ITGA1: variants seen among roughly 807,000 people sequenced by gnomAD.
ITGA1 encodes integrin subunit alpha 1, also known as integrin alpha-1.
ITGA1 carries 85 observed loss-of-function variants against 145.9 expected under a neutral mutation model. The observed-to-expected ratio is 0.58, with a 90% CI of 0.49 to 0.70. ITGA1 has a LOEUF of 0.70. ITGA1 is among the 30% of genes least tolerant of loss of function. The pLI, the probability that ITGA1 is intolerant of heterozygous loss-of-function variation, is 0.00. For missense variants in ITGA1, 1,351 were observed against 1,418.7 expected (o/e 0.95, Z 0.77); for synonymous variants, 520 against 495.3 (o/e 1.05, Z -0.66).
intron 25 of ITGA1, 30 bp from the exon 26 acceptor site, chr5:52,939,810 A>G: frequency 6.8e-7 from 1 of 1,474,326 alleles, no homozygotes; most frequent in South Asian, 1.1e-5. Flanking sequence ...CGGCAAGAAT[A>G]CTGATATGTA....
chr5:52,941,798 A>G (rs1030226946), intron 26 of ITGA1, among the ~76,000 whole-genome samples: 6 of 152,150 alleles, frequency 3.9e-5, no homozygotes, highest in Admixed American at 6.5e-5. Context: ...CCACTTGTCA[A>G]TTTTTGTTTT....
In ITGA1 at chr5:52,939,966, T is replaced by G. The variant is rs200076816; in HGVS notation, c.3285+22T>G. On this transcript the variant is annotated intron_variant, in intron 26 of 28. Transcript: ENST00000282588. ...AAAAGTAAGTAAATACATAGTTCTA[T>G]GCACTTATTGAATAATATCAATAAA... The G allele has an allele frequency of 1.3e-5, 16 of 1,224,646 alleles. No homozygotes were observed. In the East Asian group the frequency reaches 3.7e-4, roughly 28 times the overall value. The allele number at this position is 1,224,646 out of a possible 1,614,324, so 75.9% of individuals were successfully genotyped here.
intron 20 of ITGA1, 79 bp downstream of exon 20, chr5:52,927,743 C>A: frequency 1.1e-6 from 1 of 926,016 alleles, no homozygotes; most frequent in Non-Finnish European, 1.7e-6. Flanking sequence ...TAAATCCTTC[C>A]AATGGTAGTT....
intron 19 of ITGA1, among the ~76,000 whole-genome samples, chr5:52,926,978 T>G (rs926503814): frequency 6.6e-6 from 1 of 152,228 alleles, no homozygotes; most frequent in African/African-American, 2.4e-5. Flanking sequence ...TTACAATTGA[T>G]AACATGTTTA....
intron 9 of ITGA1, 137 bp downstream of exon 9, chr5:52,893,977 A>G (rs1750189328): frequency 1.7e-6 from 1 of 604,834 alleles, no homozygotes; most frequent in South Asian, 2.4e-5. Context: ...GCATGGAACA[A>G]TGCTCTTTTA....
At chr5:52,830,008 A>G (rs1749033581) in intron 1 of ITGA1, among the ~76,000 whole-genome samples, 1 of 152,198 alleles carries the variant, frequency 6.6e-6, no homozygotes, top group African/African-American at 2.4e-5. Flanking sequence ...GTCTCATTTC[A>G]TATATCAGTT....
At chr5:52,856,567 A>G (rs1198081297) in intron 2 of ITGA1, among the ~76,000 whole-genome samples, 2 of 152,010 alleles carry the variant, frequency 1.3e-5, no homozygotes, top group Middle Eastern at 3.2e-3. Flanking sequence ...AGACCTACGT[A>G]TGCCTTATCA....
intron 1 of ITGA1, among the ~76,000 whole-genome samples, chr5:52,818,839 C>A (rs1748819638): frequency 6.6e-6 from 1 of 152,100 alleles, no homozygotes; most frequent in Non-Finnish European, 1.5e-5. Context: ...TTGAGAGTAT[C>A]TAGGGATCAG....
chr5:52,821,508 C>T (rs967923471), intron 1 of ITGA1, among the ~76,000 whole-genome samples: 1 of 152,146 alleles, frequency 6.6e-6, no homozygotes, highest in African/African-American at 2.4e-5. Flanking sequence ...ACATAAGTCA[C>T]TATAATTCAG....
chr5:52,813,919 A>G (rs1748723002), intron 1 of ITGA1, among the ~76,000 whole-genome samples: 1 of 152,190 alleles, frequency 6.6e-6, no homozygotes, highest in Non-Finnish European at 1.5e-5. Context: ...CAGCCATTGC[A>G]TTGGTATTAG....
intron 1 of ITGA1, chr5:52,801,726 T>C (rs1580030006): frequency 6.2e-7 from 1 of 1,614,056 alleles, no homozygotes; most frequent in Non-Finnish European, 8.5e-7. Context: ...TATTCTCTAG[T>C]CTTCACGTTT....
intron 1 of ITGA1, among the ~76,000 whole-genome samples, chr5:52,838,610 G>A (rs1294250368): frequency 3.3e-5 from 5 of 152,044 alleles, no homozygotes; most frequent in Non-Finnish European, 7.4e-5. Flanking sequence ...AAAAAGAGAG[G>A]TCAAACTAAA....
intron 28 of ITGA1, among the ~76,000 whole-genome samples, chr5:52,951,630 G>C (rs1276841297): frequency 6.6e-6 from 1 of 151,940 alleles, no homozygotes; most frequent in East Asian, 1.9e-4. Context: ...AGTTAATACA[G>C]ACAACTCAGA....
At chr5:52,801,178 C>A in intron 1 of ITGA1, 31 of 1,474,700 alleles carry the variant, frequency 2.1e-5, no homozygotes, top group Non-Finnish European at 2.8e-5. Flanking sequence ...GTATAAACTA[C>A]TCCTAAAGTT....
Position 52,810,913 on chromosome 5 carries a change from T to G in ITGA1, c.61+22499T>G, listed in dbSNP as rs140962538. 4.0e-3 allele frequency among the ~76,000 whole-genome samples: 604 copies of G among 152,284 alleles called. 21 individuals carry two copies. The highest frequency in any genetic ancestry group is 0.031 in the Admixed American group (481 of 15,304). On this transcript the variant is annotated intron_variant, in intron 1 of 28. Coordinates refer to ENST00000282588, the MANE Select transcript of ITGA1 (RefSeq NM_181501.2). ...GAAGGTCAAGGCCTTTTTATAATGGTTCATTGTAAATTTAAAATTCTTAGA... is the reference window on the plus strand; with the variant it reads ...GAAGGTCAAGGCCTTTTTATAATGGGTCATTGTAAATTTAAAATTCTTAGA...
At chr5:52,945,197 G>A (rs1402380508) in intron 27 of ITGA1, among the ~76,000 whole-genome samples, 162 bp downstream of exon 27, 3 of 152,114 alleles carry the variant, frequency 2.0e-5, no homozygotes, top group Non-Finnish European at 2.9e-5. Context: ...CTTCAAATGT[G>A]ATTTTAGTCT....
In ITGA1 at chr5:52,878,172, G is replaced by GT. The variant is rs558169156; in HGVS notation, c.625-3695dup. ...GACGGGGGACTCCCAGACACTCCTG[G>GT]TTTTTTCAGTCTTTGGGGTAAAGCA... is the stretch of plus-strand genomic sequence containing the variant. On this transcript the variant is annotated intron_variant, in intron 6 of 28. Transcript: ENST00000282588. Among the ~76,000 whole-genome samples, 235 of 152,266 alleles carry GT rather than the reference G, an allele frequency of 1.5e-3. 3 individuals are homozygous for GT. Among genetic ancestry groups the GT allele is most frequent in the African/African-American group, 5.6e-3 (232 of 41,554 alleles).
At position 52,861,559 on chromosome 5, in the gene ITGA1, G is replaced by C; in HGVS notation, c.295G>C (p.Val99Leu). ...SLPCVKLDLP[V>L]NTSIPNVTEV... The stretch of plus-strand genomic sequence containing the variant: ...ACCTTGTGTAAAGTTGGATCTACCA[G>C]GTATGTAAAATTAAAAAAATCTGGT... Residue 99 changes from valine (V) to leucine (L), a missense_variant and splice_region_variant, in exon 3 of 29, where the codon GTT (valine) becomes CTT (leucine). By Grantham distance (32) the Val-to-Leu change is conservative. Coordinates refer to ENST00000282588, the MANE Select transcript of ITGA1 (RefSeq NM_181501.2). 1 of 1,588,894 alleles carries C rather than the reference G, an allele frequency of 6.3e-7. No individual in the cohort carries two copies. Among genetic ancestry groups the C allele is most frequent in the Non-Finnish European group, 8.6e-7 (1 of 1,157,502 alleles).
Position 52,914,597 on chromosome 5 carries a change from C to CAA in ITGA1, c.1858-857_1858-856dup, listed in dbSNP as rs34589797. Among the ~76,000 whole-genome samples the CAA allele has an allele frequency of 6.5e-3, 926 of 141,904 alleles. 13 individuals are homozygous for CAA. The highest frequency in any genetic ancestry group is 0.057 in the East Asian group (267 of 4,718). The allele number at this position is 141,904 out of a possible 152,430, so 93.1% of individuals were successfully genotyped here. A position where few individuals can be genotyped will look rare whatever the true frequency, so the allele number is the denominator to read the frequency against. ...GTTGCAGTGAGCCGAGATAGCGTCTCAAAAAAAAAAAGGGGGGGAAATACT... is the reference window on the plus strand; with the variant it reads ...GTTGCAGTGAGCCGAGATAGCGTCTCAAAAAAAAAAAAAGGGGGGGAAATACT... On this transcript the variant is annotated intron_variant, in intron 14 of 28. Coordinates refer to ENST00000282588, the MANE Select transcript of ITGA1 (RefSeq NM_181501.2).
Sources: allele counts gnomAD v4.1 joint callset (sites outside exome capture counted in the v4.1 genomes callset), GRCh38; gene constraint gnomAD v4.1.1; transcripts MANE v1.5; gene names NCBI Gene and HGNC (gene_info 2026-07-23, HGNC 2026-07-21).